Variants in DPYD observed in about 807,000 individuals in gnomAD.
The protein encoded by DPYD is dihydropyrimidine dehydrogenase [NADP(+)].
Under a neutral mutation model 116.2 loss-of-function variants are expected in DPYD, and 109 were observed. That is an observed-to-expected ratio of 0.94 (90% CI 0.80 to 1.10). DPYD has a LOEUF of 1.10. Among genes scored for constraint, DPYD ranks in the 50% least tolerant of loss-of-function variants. The pLI, the probability that DPYD is intolerant of heterozygous loss-of-function variation, is 0.00. For synonymous variants in DPYD, 440 were observed against 432.0 expected (o/e 1.02, Z -0.23); for missense variants, 1,302 against 1,254.5 (o/e 1.04, Z -0.57).
chr1:97,202,188 G>T (rs574171045), intron 19 of DPYD, among the ~76,000 whole-genome samples: 1 of 152,178 alleles, frequency 6.6e-6, no homozygotes, highest in South Asian at 2.1e-4. Flanking sequence ...TTGCCGAAAT[G>T]GATAAGTAGT....
At chr1:97,479,397 GA>G (rs1364505828) in intron 13 of DPYD, among the ~76,000 whole-genome samples, 1 of 152,162 alleles carries the variant, frequency 6.6e-6, no homozygotes, top group Non-Finnish European at 1.5e-5. Context: ...TGGAGAGGGA[GA>G]CAGACAGAGG....
At chr1:97,283,819 T>G (rs1461489171) in intron 18 of DPYD, among the ~76,000 whole-genome samples, 1 of 152,134 alleles carries the variant, frequency 6.6e-6, no homozygotes, top group African/African-American at 2.4e-5. Flanking sequence ...AAAGCAATTG[T>G]TTGTGTGTCT....
intron 19 of DPYD, among the ~76,000 whole-genome samples, chr1:97,204,201 T>C (rs938519131): frequency 1.3e-5 from 2 of 152,172 alleles, no homozygotes; most frequent in African/African-American, 4.8e-5. Flanking sequence ...AAGGAACTTT[T>C]AAAAATACTA....
chr1:97,249,088 T>C (rs941362841), intron 18 of DPYD, among the ~76,000 whole-genome samples: 1 of 152,152 alleles, frequency 6.6e-6, no homozygotes, highest in Non-Finnish European at 1.5e-5. Flanking sequence ...TTGAAGAAAC[T>C]GATAAGCTGA....
intron 16 of DPYD, among the ~76,000 whole-genome samples, chr1:97,346,465 T>C (rs928431862): frequency 1.3e-5 from 2 of 151,860 alleles, no homozygotes; most frequent in Non-Finnish European, 1.5e-5. Context: ...ATTTATATCT[T>C]GTCTTTTCGT....
At chr1:97,846,057 A>T (rs1342618069) in intron 2 of DPYD, among the ~76,000 whole-genome samples, 1 of 152,180 alleles carries the variant, frequency 6.6e-6, no homozygotes, top group Non-Finnish European at 1.5e-5. Context: ...CAGGTATGGG[A>T]TCCAGACTGG....
chr1:97,736,874 G>GTT (rs933114810), intron 4 of DPYD, among the ~76,000 whole-genome samples: 1 of 151,516 alleles, frequency 6.6e-6, no homozygotes, highest in African/African-American at 2.4e-5. Context: ...GTGTGTGTGT[G>GTT]TGTGTGTGTG....
intron 2 of DPYD, among the ~76,000 whole-genome samples, chr1:97,851,413 T>A (rs1337439837): frequency 6.6e-6 from 1 of 151,956 alleles, no homozygotes; most frequent in Non-Finnish European, 1.5e-5. Flanking sequence ...ACCAACTATA[T>A]GTATTAAATC....
chr1:97,751,454 GTGTGTGTATATATA>G (rs1664896391), intron 3 of DPYD, among the ~76,000 whole-genome samples: 1 of 29,398 alleles, frequency 3.4e-5, no homozygotes, highest in African/African-American at 1.1e-4. Context: ...GTGTGTGTGT[GTGTGTGTATATATA>G]TATATATATA....
At chr1:97,249,376 A>T (rs1662929599) in intron 18 of DPYD, among the ~76,000 whole-genome samples, 1 of 152,092 alleles carries the variant, frequency 6.6e-6, no homozygotes, top group Non-Finnish European at 1.5e-5. Context: ...GATATTTTTA[A>T]GAGGAAGGGG....
chr1:97,892,545 TGA>T (rs1672831162), intron 1 of DPYD, among the ~76,000 whole-genome samples: 2 of 151,774 alleles, frequency 1.3e-5, no homozygotes, highest in Admixed American at 1.3e-4. Flanking sequence ...GGTTCACACT[TGA>T]GATACAATCA....
rs183500669 is a variant in DPYD, at chr1:97,727,566, A to T, written c.322-5895T>A. 2.0e-4 allele frequency among the ~76,000 whole-genome samples: 30 copies of T among 151,910 alleles called. 2 individuals are homozygous for T. In the East Asian group the frequency reaches 4.1e-3, roughly 21 times the overall value. On this transcript the variant is annotated intron_variant, in intron 4 of 22. Coordinates refer to ENST00000370192, the MANE Select transcript of DPYD (RefSeq NM_000110.4). The stretch of plus-strand genomic sequence containing the variant: ...GGAGCCCAAGAGAGGTTACACAATG[A>T]TGCCTAGAAAGAGGAAAGCATAGGC...
chr1:97,714,450 C>A (rs1444074902), intron 5 of DPYD, among the ~76,000 whole-genome samples: 1 of 151,748 alleles, frequency 6.6e-6, no homozygotes, highest in African/African-American at 2.4e-5. Context: ...ACCTTGTGAT[C>A]CGCCTGCCTC....
chr1:97,534,024 T>A (rs17368930), intron 12 of DPYD, among the ~76,000 whole-genome samples: 1,893 of 152,266 alleles, frequency 0.012, 14 homozygotes, highest in Non-Finnish European at 0.019. Flanking sequence ...TGTGAACTTA[T>A]AAAATCCATT....
chr1:97,689,580 C>CA (rs1179313951), intron 7 of DPYD, among the ~76,000 whole-genome samples: 1 of 152,036 alleles, frequency 6.6e-6, no homozygotes, highest in African/African-American at 2.4e-5. Flanking sequence ...TCATATGCTA[C>CA]ACGGGAGTCA....
rs1206631730 is a variant in DPYD, at chr1:97,515,941, A to G, written c.1525T>C (p.Ser509Pro). The change falls in exon 13 of 23, where the codon TCA becomes CCA. Residue 509 changes from serine (S) to proline (P), a missense_variant and splice_region_variant. By Grantham distance (74) the Ser-to-Pro change is moderately conservative (BLOSUM62 -1). Transcript: ENST00000370192. The stretch of plus-strand genomic sequence containing the variant: ...GCAGAAACGGAAGCTCCATATTGTG[A>G]CTGCAAAATACAAACCAATACTTGG... ...ASWYIHKYVQSQYGASVSAKP... is the reference protein window; with the variant it reads ...ASWYIHKYVQPQYGASVSAKP... 1.2e-6 allele frequency: 2 copies of G among 1,611,950 alleles called. No homozygotes were observed. The highest frequency in any genetic ancestry group is 1.7e-6 in the Non-Finnish European group (2 of 1,178,608).
chr1:97,802,881 C>T (rs562966144), intron 3 of DPYD, among the ~76,000 whole-genome samples: 4 of 151,816 alleles, frequency 2.6e-5, no homozygotes, highest in South Asian at 4.2e-4. Context: ...GTTTGCTGTT[C>T]GTTTAATTCA....
Position 97,464,100 on chromosome 1 carries a change from G to A in DPYD, c.1741-13877C>T, listed in dbSNP as rs187288947. Among the ~76,000 whole-genome samples the A allele has an allele frequency of 2.7e-3, 404 of 152,036 alleles. 2 individuals are homozygous for A. The highest frequency in any genetic ancestry group is 4.8e-3 in the South Asian group (23 of 4,816). ...CTAAAAATACAAAAAATAGCTGGAT[G>A]TAGTGGTAGGTGCCTGTAATCACAG... On this transcript the variant is annotated intron_variant, in intron 13 of 22. Coordinates refer to ENST00000370192, the MANE Select transcript of DPYD (RefSeq NM_000110.4).
chr1:97,224,676 G>A (rs1660996028), intron 19 of DPYD, among the ~76,000 whole-genome samples: 1 of 150,826 alleles, frequency 6.6e-6, no homozygotes, highest in African/African-American at 2.4e-5. Flanking sequence ...CCTACTTCAT[G>A]CACCCACATA....
Sources: allele counts gnomAD v4.1 joint callset (sites outside exome capture counted in the v4.1 genomes callset), GRCh38; gene constraint gnomAD v4.1.1; transcripts MANE v1.5; gene names NCBI Gene and HGNC (gene_info 2026-07-23, HGNC 2026-07-21).